Variants in KCTD1 observed in about 807,000 individuals in gnomAD.
The protein encoded by KCTD1 is BTB/POZ domain-containing protein KCTD1.
Under a neutral mutation model 66.0 loss-of-function variants are expected in KCTD1, and 24 were observed. That is an observed-to-expected ratio of 0.36 (90% CI 0.26 to 0.51). The LOEUF is 0.51. Ranked by LOEUF, KCTD1 falls within the 20% of genes least tolerant of loss-of-function variation. The probability of loss-of-function intolerance (pLI) is 0.95; values close to 1 mark genes in which losing one functional copy is unlikely to be tolerated. For missense variants in KCTD1, 943 were observed against 1,205.2 expected (o/e 0.78, Z 3.22); for synonymous variants, 511 against 517.2 (o/e 0.99, Z 0.16).
At chr18:26,485,444 A>T (rs754422661) in intron 2 of KCTD1, among the ~76,000 whole-genome samples, 11 of 152,222 alleles carry the variant, frequency 7.2e-5, no homozygotes, top group Non-Finnish European at 1.6e-4. Context: ...ACAGTGTGCT[A>T]TGCCAAAACA....
intron 2 of KCTD1, among the ~76,000 whole-genome samples, chr18:26,481,556 A>G (rs1200642599): frequency 6.6e-6 from 1 of 152,224 alleles, no homozygotes; most frequent in Non-Finnish European, 1.5e-5. Flanking sequence ...TTTGGTCTCA[A>G]GGGCAATAGC....
chr18:26,523,124 T>C (rs1379392833), intron 1 of KCTD1, among the ~76,000 whole-genome samples: 1 of 152,192 alleles, frequency 6.6e-6, no homozygotes, highest in Non-Finnish European at 1.5e-5. Context: ...CAAAGTGTTA[T>C]GAGAAACCGT....
intron 1 of KCTD1, among the ~76,000 whole-genome samples, chr18:26,570,184 TA>T (rs10648043): frequency 0.013 from 1,629 of 120,896 alleles, 32 homozygotes; most frequent in African/African-American, 0.044. Flanking sequence ...AGACTCCATC[TA>T]AAAAAAATAT....
intron 1 of KCTD1, among the ~76,000 whole-genome samples, chr18:26,570,194 AT>A (rs1986074387): frequency 9.5e-6 from 1 of 105,076 alleles, no homozygotes. Context: ...TAAAAAAAAT[AT>A]ATATATATAT....
chr18:26,582,922 T>G (rs1417143940), intron 1 of KCTD1, among the ~76,000 whole-genome samples: 1 of 151,944 alleles, frequency 6.6e-6, no homozygotes, highest in Non-Finnish European at 1.5e-5. Context: ...CAAATAAAAT[T>G]AATATTGAAA....
intron 3 of KCTD1, among the ~76,000 whole-genome samples, chr18:26,470,761 A>G (rs971611267): frequency 2.6e-5 from 4 of 152,248 alleles, no homozygotes; most frequent in African/African-American, 9.6e-5. Context: ...TCAGGGGTAC[A>G]GGTGAGCCTA....
In KCTD1 at chr18:26,455,791, C is replaced by T; in HGVS notation, c.2550G>A (p.Thr850=). ...EYVLRRELRR[T]PRVPSVIRIK... ...TCCGGATGACGGAGGGTACACGGGG[C>T]GTCCGCCTCAGTTCCCGCCGAAGGA... The change falls in exon 5 of 5, where the codon ACG becomes ACA. Residue 850 remains threonine, a synonymous_variant. Coordinates refer to ENST00000580059, the MANE Select transcript of KCTD1 (RefSeq NM_001142730.3). 6 of 1,614,136 alleles carry T rather than the reference C, an allele frequency of 3.7e-6. No individual in the cohort carries two copies. Among genetic ancestry groups the T allele is most frequent in the Non-Finnish European group, 5.1e-6 (6 of 1,180,030 alleles).
Position 26,467,038 on chromosome 18 carries a change from G to T in KCTD1, c.2134-7113C>A, listed in dbSNP as rs145957123. Among the ~76,000 whole-genome samples the T allele has an allele frequency of 1.6e-4, 24 of 152,154 alleles. No individual in the cohort carries two copies. The East Asian group carries it at 4.6e-3, about 29-fold the overall frequency. On this transcript the variant is annotated intron_variant, in intron 3 of 4. Transcript: ENST00000580059. ...AATTTTTTTTAAATGGAAAGGTAAA[G>T]GTTATTGTCCAAAATAAGCACAGGA...
At chr18:26,507,997 T>C (rs1983133717) in intron 1 of KCTD1, among the ~76,000 whole-genome samples, 1 of 152,070 alleles carries the variant, frequency 6.6e-6, no homozygotes, top group Non-Finnish European at 1.5e-5. Flanking sequence ...CTGAAAATAA[T>C]CTTGGAAAAA....
upstream of KCTD1, among the ~76,000 whole-genome samples, chr18:26,640,810 T>C (rs1055377547): frequency 4.0e-5 from 6 of 151,866 alleles, no homozygotes; most frequent in Admixed American, 3.3e-4. Flanking sequence ...GCTGCACTGG[T>C]TTGTTCTAAA....
chr18:26,567,958 G>A (rs1052340896), intron 1 of KCTD1, among the ~76,000 whole-genome samples: 5 of 152,230 alleles, frequency 3.3e-5, no homozygotes, highest in African/African-American at 9.6e-5. Flanking sequence ...ATATTGTTTC[G>A]AAAGCAAAAT....
At chr18:26,501,021 G>C in intron 2 of KCTD1, 51 bp downstream of exon 2, 1 of 1,583,678 alleles carries the variant, frequency 6.3e-7, no homozygotes, top group East Asian at 2.2e-5. Flanking sequence ...GGAAAAACAG[G>C]TTACCAAATA....
chr18:26,575,361 A>C (rs1986200607), intron 1 of KCTD1: 1 of 152,184 alleles, frequency 6.6e-6, no homozygotes, highest in African/African-American at 2.4e-5. Flanking sequence ...CGTTCCTGGG[A>C]AACCACATGC....
intron 1 of KCTD1, among the ~76,000 whole-genome samples, chr18:26,636,321 TATGTG>T (rs1299970279): frequency 6.6e-6 from 1 of 152,184 alleles, no homozygotes; most frequent in African/African-American, 2.4e-5. Flanking sequence ...TTGTTTTTAT[TATGTG>T]AGTGATGGTT....
At chr18:26,653,202 G>T (rs1391150432) in intron 1 of KCTD1, among the ~76,000 whole-genome samples, 8 of 152,132 alleles carry the variant, frequency 5.3e-5, no homozygotes, top group Non-Finnish European at 1.0e-4. Context: ...ACTTACTCTT[G>T]GGTGAAGACC....
intron 1 of KCTD1, among the ~76,000 whole-genome samples, chr18:26,525,245 T>C (rs1021526726): frequency 2.0e-5 from 3 of 152,224 alleles, no homozygotes; most frequent in African/African-American, 7.2e-5. Flanking sequence ...AGACACACTC[T>C]GGTGAGGTAG....
intron 1 of KCTD1, among the ~76,000 whole-genome samples, chr18:26,649,148 C>G (rs1987981300): frequency 6.6e-6 from 1 of 152,210 alleles, no homozygotes; most frequent in South Asian, 2.1e-4. Flanking sequence ...TCTTCAGCAG[C>G]ATAGACACTG....
chr18:26,557,703 T>C (rs1476701613), intron 1 of KCTD1, among the ~76,000 whole-genome samples: 10 of 152,002 alleles, frequency 6.6e-5, no homozygotes, highest in African/African-American at 2.4e-4. Context: ...ATTTCCTCTC[T>C]AGCAATCATT....
At chr18:26,648,744 G>C (rs910714801) in intron 1 of KCTD1, among the ~76,000 whole-genome samples, 2 of 152,162 alleles carry the variant, frequency 1.3e-5, no homozygotes, top group African/African-American at 4.8e-5. Context: ...TGGAGACTAA[G>C]AGCAAAGACT....
Sources: allele counts gnomAD v4.1 joint callset (sites outside exome capture counted in the v4.1 genomes callset), GRCh38; gene constraint gnomAD v4.1.1; transcripts MANE v1.5; gene names NCBI Gene and HGNC (gene_info 2026-07-23, HGNC 2026-07-21).